NAA50: variants seen among roughly 807,000 people sequenced by gnomAD.
NAA50 encodes N-alpha-acetyltransferase 50.
In NAA50, 7 loss-of-function variants were observed where a neutral mutation model predicts 20.7. The observed-to-expected ratio is 0.34, with a 90% confidence interval of 0.19 to 0.63. The LOEUF is 0.63. Among genes scored for constraint, NAA50 ranks in the 30% least tolerant of loss-of-function variants. The probability of loss-of-function intolerance (pLI) is 0.75; values close to 1 mark genes in which losing one functional copy is unlikely to be tolerated. For missense variants in NAA50, 111 were observed against 199.1 expected (o/e 0.56, Z 2.66); for synonymous variants, 54 against 70.6 (o/e 0.77, Z 1.18).
In NAA50 at chr3:113,718,065, G is replaced by A. The variant is rs918096901; in HGVS notation, c.*3695C>T. ...TATGGCAGAAATAATGTCACCTGAG[G>A]CTACGTCATAAAAAAGTATGGTTTC... On this transcript the variant is annotated 3_prime_UTR_variant, in exon 5 of 5. Transcript: ENST00000240922. 1 of 152,166 alleles carries A rather than the reference G, an allele frequency of 6.6e-6. No individual in the cohort carries two copies. The highest frequency in any genetic ancestry group is 1.5e-5 in the Non-Finnish European group (1 of 68,040). The allele number at this position is 152,166 out of a possible 1,614,324, so 9.4% of individuals were successfully genotyped here. A position where few individuals can be genotyped will look rare whatever the true frequency, so the allele number is the denominator to read the frequency against.
intron 1 of NAA50, among the ~76,000 whole-genome samples, chr3:113,731,885 C>T (rs897659142): frequency 2.0e-5 from 3 of 152,178 alleles, no homozygotes; most frequent in Non-Finnish European, 2.9e-5. Context: ...GATATTTGGG[C>T]TGTATGTGCA....
At chr3:113,725,594 G>GT (rs1708189085) in intron 1 of NAA50, among the ~76,000 whole-genome samples, 1 of 151,972 alleles carries the variant, frequency 6.6e-6, no homozygotes, top group Non-Finnish European at 1.5e-5. Context: ...GCAAAACTTT[G>GT]TAAGAAATTT....
intron 1 of NAA50, chr3:113,739,625 A>T (rs187765580): frequency 6.6e-6 from 1 of 152,352 alleles, no homozygotes; most frequent in East Asian, 1.9e-4. Context: ...ACTTCCAATT[A>T]TCTCTTCCCT....
chr3:113,734,873 A>C (rs1018011393), intron 1 of NAA50, among the ~76,000 whole-genome samples: 2 of 152,220 alleles, frequency 1.3e-5, no homozygotes, highest in Non-Finnish European at 2.9e-5. Context: ...AACGCTTTTA[A>C]GGTATGAATG....
chr3:113,740,105 G>T (rs1559742315), intron 1 of NAA50, among the ~76,000 whole-genome samples: 1 of 151,572 alleles, frequency 6.6e-6, no homozygotes, highest in Non-Finnish European at 1.5e-5. Flanking sequence ...TCCCTTAGAA[G>T]TTTTTTTTCA....
At chr3:113,727,142 C>A (rs1708209099) in intron 1 of NAA50, among the ~76,000 whole-genome samples, 1 of 152,190 alleles carries the variant, frequency 6.6e-6, no homozygotes, top group African/African-American at 2.4e-5. Flanking sequence ...TCACATCTTA[C>A]CTACACTGTC....
chr3:113,731,207 T>A (rs1708268121), intron 1 of NAA50, among the ~76,000 whole-genome samples: 1 of 152,202 alleles, frequency 6.6e-6, no homozygotes, highest in Non-Finnish European at 1.5e-5. Context: ...GAGTTTTGGG[T>A]GTATTATGGA....
At position 113,719,889 on chromosome 3, in the gene NAA50, G is replaced by T. The variant is rs1443411808; in HGVS notation, c.*1871C>A. ...TGATATCTGGGAAGTTTACAAAAAG[G>T]CTGCTGCATTCTTCAAACTACTTAT... On this transcript the variant is annotated 3_prime_UTR_variant, in exon 5 of 5. Transcript: ENST00000240922. 1 of 152,572 alleles carries T rather than the reference G, an allele frequency of 6.6e-6. No homozygotes were observed. The highest frequency in any genetic ancestry group is 6.6e-5 in the Admixed American group (1 of 15,262). 9.5% of individuals were successfully genotyped at this position (152,572 alleles called of 1,614,324 possible).
At chr3:113,730,343 C>T (rs1340947587) in intron 1 of NAA50, among the ~76,000 whole-genome samples, 1 of 151,614 alleles carries the variant, frequency 6.6e-6, no homozygotes, top group Admixed American at 6.6e-5. Flanking sequence ...TTAGTTGATT[C>T]AAGTCCATCA....
At chr3:113,741,655 G>A (rs891827423) in intron 1 of NAA50, among the ~76,000 whole-genome samples, 5 of 152,166 alleles carry the variant, frequency 3.3e-5, no homozygotes, top group African/African-American at 1.2e-4. Flanking sequence ...TTGAAATTAT[G>A]ATAAACAGGG....
At chr3:113,731,538 C>G (rs1296722598) in intron 1 of NAA50, among the ~76,000 whole-genome samples, 2 of 152,012 alleles carry the variant, frequency 1.3e-5, no homozygotes, top group African/African-American at 4.8e-5. Flanking sequence ...GATTTTTTTA[C>G]TATAAAGTTG....
intron 1 of NAA50, 91 bp from the exon 2 acceptor site, chr3:113,724,186 G>T: frequency 7.8e-7 from 1 of 1,285,098 alleles, no homozygotes; most frequent in Non-Finnish European, 1.0e-6. Flanking sequence ...TTTTTTACAT[G>T]ATTGATAAAT....
chr3:113,723,510 T>C lies in NAA50; in HGVS notation c.177A>G (p.Val59=), dbSNP rs1448900271. ...TCTGTGAATGATCCACCCTACAGCATACTGCACCTACAGCAATATCATTGA... is the reference window on the plus strand; with the variant it reads ...TCTGTGAATGATCCACCCTACAGCACACTGCACCTACAGCAATATCATTGA... ...AYFNDIAVGA[V]CCRVDHSQNQ... The change falls in exon 3 of 5, where the codon GTA becomes GTG. Residue 59 remains valine (V), a synonymous_variant. Coordinates refer to ENST00000240922, the MANE Select transcript of NAA50 (RefSeq NM_025146.4). 2.5e-6 allele frequency: 4 copies of C among 1,611,364 alleles called. No individual in the cohort carries two copies.
At chr3:113,723,662 T>C in intron 2 of NAA50, 121 bp from the exon 3 acceptor site, 1 of 1,183,524 alleles carries the variant, frequency 8.4e-7, no homozygotes, top group Non-Finnish European at 1.1e-6. Context: ...ATTTCATGAA[T>C]ATCAATGATC....
chr3:113,731,837 T>A (rs1244012285), intron 1 of NAA50, among the ~76,000 whole-genome samples: 1 of 152,204 alleles, frequency 6.6e-6, no homozygotes, highest in African/African-American at 2.4e-5. Context: ...TTTGGTATAG[T>A]TTATACCACA....
chr3:113,732,051 T>C (rs944370314), intron 1 of NAA50, among the ~76,000 whole-genome samples: 1 of 152,150 alleles, frequency 6.6e-6, no homozygotes, highest in Admixed American at 6.5e-5. Context: ...GTAGGTACAA[T>C]AATGCCCCTC....
chr3:113,731,073 C>T (rs1320445818), intron 1 of NAA50, among the ~76,000 whole-genome samples: 1 of 152,148 alleles, frequency 6.6e-6, no homozygotes, highest in Non-Finnish European at 1.5e-5. Flanking sequence ...TTTTAATTTG[C>T]ATCCCCCTAA....
intron 1 of NAA50, among the ~76,000 whole-genome samples, chr3:113,744,571 G>A (rs761358418): frequency 6.6e-6 from 1 of 151,996 alleles, no homozygotes; most frequent in Non-Finnish European, 1.5e-5. Context: ...AAACTTCCAA[G>A]ATCATGATTC....
At chr3:113,733,401 C>T (rs1211223995) in intron 1 of NAA50, among the ~76,000 whole-genome samples, 6 of 151,508 alleles carry the variant, frequency 4.0e-5, no homozygotes, top group African/African-American at 1.2e-4. Context: ...CAGCCAACTG[C>T]AATTTGTGAA....
Sources: allele counts gnomAD v4.1 joint callset (sites outside exome capture counted in the v4.1 genomes callset), GRCh38; gene constraint gnomAD v4.1.1; transcripts MANE v1.5; gene names NCBI Gene and HGNC (gene_info 2026-07-23, HGNC 2026-07-21).